Variants in MYO16 observed in about 807,000 individuals in gnomAD.
MYO16 encodes unconventional myosin-XVI.
MYO16 carries 94 observed loss-of-function variants against 205.3 expected under a neutral mutation model. The ratio of observed to expected loss-of-function variants is 0.46; its 90% CI spans 0.39 to 0.54. The LOEUF (loss-of-function observed/expected upper bound fraction) is 0.54, where lower values mean the gene tolerates loss of function less well. MYO16 is among the 20% of genes least tolerant of loss of function. The pLI is 0.00. For synonymous variants in MYO16, 988 were observed against 954.0 expected (o/e 1.04, Z -0.66); for missense variants, 2,315 against 2,387.5 (o/e 0.97, Z 0.63).
chr13:108,625,342 G>C (rs887411325), upstream of MYO16, among the ~76,000 whole-genome samples: 2 of 152,200 alleles, frequency 1.3e-5, no homozygotes, highest in Non-Finnish European at 2.9e-5. Flanking sequence ...AGTCAAGGAT[G>C]TTCAGTCATT....
Position 108,889,953 on chromosome 13 carries a change from A to G in MYO16, c.1659+1476A>G, listed in dbSNP as rs138185160. Among the ~76,000 whole-genome samples the G allele has an allele frequency of 2.3e-3, 346 of 152,146 alleles. 5 individuals carry two copies. The highest frequency in any genetic ancestry group is 0.02 in the Admixed American group (299 of 15,278). On this transcript the variant is annotated intron_variant, in intron 14 of 34. Coordinates refer to ENST00000457511, the MANE Select transcript of MYO16 (RefSeq NM_001198950.3). ...ACTATTATTGTTATTTATTTTTGAG[A>G]CAGGGTCTTGCTCTGTCACACAGGC...
At chr13:109,095,872 C>A (rs1888760261) in intron 27 of MYO16, among the ~76,000 whole-genome samples, 1 of 152,208 alleles carries the variant, frequency 6.6e-6, no homozygotes, top group African/African-American at 2.4e-5. Flanking sequence ...CTTCTTATTC[C>A]TACATGTCCA....
At chr13:109,100,908 G>C (rs776243637) in intron 28 of MYO16, 21 bp downstream of exon 28, 7 of 1,591,704 alleles carry the variant, frequency 4.4e-6, no homozygotes, top group Non-Finnish European at 4.3e-6. Flanking sequence ...TACAAGCTAT[G>C]AAAATAACAT....
chr13:109,145,183 G>T (rs1011958214), intron 32 of MYO16, among the ~76,000 whole-genome samples: 2 of 152,098 alleles, frequency 1.3e-5, no homozygotes, highest in Non-Finnish European at 1.5e-5. Context: ...ACACTATAAG[G>T]CATCTTCTCC....
At chr13:109,144,311 G>A (rs566971563) in intron 32 of MYO16, among the ~76,000 whole-genome samples, 13 of 152,184 alleles carry the variant, frequency 8.5e-5, no homozygotes, top group African/African-American at 2.6e-4. Flanking sequence ...CACCATGCCC[G>A]GCCAAATGTA....
chr13:108,926,063 A>G (rs1420629976), intron 16 of MYO16, among the ~76,000 whole-genome samples: 3 of 152,280 alleles, frequency 2.0e-5, no homozygotes, highest in South Asian at 4.1e-4. Flanking sequence ...CGCGTGCTCC[A>G]TGGCTCGTCC....
chr13:108,988,947 C>T lies in MYO16; in HGVS notation c.2370-3429C>T, dbSNP rs146743263. ...TCCCTGCATCGGCAGCATCTCTTAC[C>T]ACTGGCAAAACCAGACACTTTTCTC... On this transcript the variant is annotated intron_variant, in intron 20 of 34. Transcript: ENST00000457511. Among the ~76,000 whole-genome samples, 525 of 152,258 alleles carry T rather than the reference C, an allele frequency of 3.4e-3. 2 individuals are homozygous for T. Among genetic ancestry groups the T allele is most frequent in the African/African-American group, 0.012 (499 of 41,556 alleles).
intron 16 of MYO16, among the ~76,000 whole-genome samples, chr13:108,932,794 G>A (rs140789160): frequency 1.5e-4 from 23 of 152,180 alleles, no homozygotes; most frequent in Admixed American, 3.9e-4. Context: ...CCCCCTTTCC[G>A]CACTGGTCCT....
At chr13:108,911,320 T>G (rs1042591493) in intron 16 of MYO16, among the ~76,000 whole-genome samples, 5 of 152,028 alleles carry the variant, frequency 3.3e-5, no homozygotes, top group African/African-American at 1.2e-4. Flanking sequence ...ATAGTTGAGG[T>G]GATATGATGA....
intron 1 of MYO16, among the ~76,000 whole-genome samples, chr13:108,600,874 G>A (rs9587627): frequency 0.27 from 40,480 of 151,944 alleles, 5,534 homozygotes; most frequent in Middle Eastern, 0.33. Flanking sequence ...AAGTAAATAA[G>A]CTTTTCCAAC....
intron 2 of MYO16, among the ~76,000 whole-genome samples, chr13:108,700,886 C>T (rs1414857883): frequency 6.6e-6 from 1 of 151,918 alleles, no homozygotes; most frequent in East Asian, 2.0e-4. Context: ...CTGGGAAGAC[C>T]CCAATTTCTC....
rs1281355000 is a variant in MYO16 at position 109,141,827 on chromosome 13, T to G, written c.5164+451T>G. Among the ~76,000 whole-genome samples, 2 of 152,220 alleles carry G rather than the reference T, an allele frequency of 1.3e-5. No homozygotes were observed. The highest frequency in any genetic ancestry group is 4.1e-4 in the South Asian group (2 of 4,830). On this transcript the variant is annotated intron_variant, in intron 32 of 34. Transcript: ENST00000457511. This position sits in a 1 kb window ranked among gnomAD's most constrained non-coding sequence, Gnocchi z 4.1. ...GGTTTGCCATCCATCTAGCTTTGCCTGGCGGTGTCTGGGATGTTGACCTAG... is the reference window on the plus strand; with the variant it reads ...GGTTTGCCATCCATCTAGCTTTGCCGGGCGGTGTCTGGGATGTTGACCTAG...
At chr13:108,503,292 A>G in the MYO16 span, among the ~76,000 whole-genome samples, 1 of 152,204 alleles carries the variant, frequency 6.6e-6, no homozygotes, top group Non-Finnish European at 1.5e-5. Context: ...GTGAAATGGT[A>G]CAGGCACAGC....
At chr13:108,564,018 T>C in the MYO16 span, among the ~76,000 whole-genome samples, 1 of 152,304 alleles carries the variant, frequency 6.6e-6, no homozygotes, top group East Asian at 1.9e-4. Flanking sequence ...ATTACCTGTC[T>C]TTTGGATGAA....
intron 10 of MYO16, among the ~76,000 whole-genome samples, chr13:108,852,955 CA>C (rs1877960893): frequency 6.6e-6 from 1 of 152,154 alleles, no homozygotes; most frequent in Non-Finnish European, 1.5e-5. Context: ...CAGCTGAATA[CA>C]AATAATTGAT....
At chr13:108,893,183 T>C (rs556805256) in intron 14 of MYO16, among the ~76,000 whole-genome samples, 1 of 152,338 alleles carries the variant, frequency 6.6e-6, no homozygotes, top group East Asian at 1.9e-4. Context: ...TCAGTCATTA[T>C]ATCTGTAAAT....
intron 32 of MYO16, among the ~76,000 whole-genome samples, chr13:109,150,147 G>A (rs1277814942): frequency 6.6e-6 from 1 of 152,108 alleles, no homozygotes. Context: ...TCTCAATAGC[G>A]ACCATGATTG....
intron 23 of MYO16, among the ~76,000 whole-genome samples, chr13:109,023,684 TACATATATATGTATATATGTATATA>T (rs1362792574): frequency 3.1e-5 from 4 of 129,082 alleles, no homozygotes; most frequent in African/African-American, 8.4e-5. Context: ...TATGTATATA[TACATATATATGTATATATGTATATA>T]TACAAATATA....
intron 1 of MYO16, among the ~76,000 whole-genome samples, chr13:108,658,426 T>TTG (rs145187326): frequency 0.34 from 49,517 of 145,024 alleles, 8,138 homozygotes; most frequent in East Asian, 0.46. Flanking sequence ...TGTTTCAACT[T>TTG]TGTGTGTGTG....
Sources: allele counts gnomAD v4.1 joint callset (sites outside exome capture counted in the v4.1 genomes callset), GRCh38; gene constraint gnomAD v4.1.1; non-coding constraint Gnocchi (gnomAD v3.1); transcripts MANE v1.5; gene names NCBI Gene and HGNC (gene_info 2026-07-23, HGNC 2026-07-21).